The following H2AZ2 variants were observed in gnomAD, a reference collection of about 807,000 sequenced individuals.
The protein encoded by H2AZ2 is H2A.Z variant histone 2, also known as histone H2A.V.
H2AZ2 carries 5 observed loss-of-function variants against 15.5 expected under a neutral mutation model. The ratio of observed to expected loss-of-function variants is 0.32; its 90% confidence interval spans 0.17 to 0.68. H2AZ2 has a LOEUF of 0.68. Among genes scored for constraint, H2AZ2 ranks in the 30% least tolerant of loss-of-function variants. H2AZ2 has a pLI of 0.72. For missense variants in H2AZ2, 42 were observed against 162.5 expected (o/e 0.26, Z 4.03); for synonymous variants, 44 against 57.4 (o/e 0.77, Z 1.05).
At chr7:44,826,963 A>G (rs1792933764) in exon 5 of H2AZ2, 1 of 152,030 alleles carries the variant, frequency 6.6e-6, no homozygotes, top group African/African-American at 2.4e-5. Flanking sequence ...CTATTCTTTG[A>G]TTTTTTTTGC....
intron 2 of H2AZ2, among the ~76,000 whole-genome samples, chr7:44,841,526 T>C (rs1793275734): frequency 6.6e-6 from 1 of 152,202 alleles, no homozygotes; most frequent in Non-Finnish European, 1.5e-5. Context: ...ATTTTTTTTA[T>C]TGAGACAGAG....
chr7:44,829,194 C>T (rs1194159241), downstream of H2AZ2: 1 of 152,192 alleles, frequency 6.6e-6, no homozygotes, highest in East Asian at 1.9e-4. Context: ...AAAATGCTGT[C>T]TCCCTTAGAC....
At chr7:44,837,820 AT>A (rs1211331260) in intron 3 of H2AZ2, among the ~76,000 whole-genome samples, 1 of 73,152 alleles carries the variant, frequency 1.4e-5, no homozygotes. Context: ...GTTCCCAAAG[AT>A]TTAAAAAAAA....
chr7:44,839,976 TG>T (rs969991449), intron 3 of H2AZ2, among the ~76,000 whole-genome samples: 76 of 150,928 alleles, frequency 5.0e-4, no homozygotes, highest in African/African-American at 1.7e-3. Flanking sequence ...GCACTCCACC[TG>T]GGATACAGAG....
chr7:44,840,890 T>C lies in H2AZ2; in HGVS notation c.195+9A>G. ...GATGGCCATATACAACAGACATTCC[T>C]GTACAAACCTCTGCAGTGAGGTACT... On this transcript the variant is annotated intron_variant, in intron 3 of 4. Transcript: ENST00000308153. 2 of 1,597,726 alleles carry C rather than the reference T, an allele frequency of 1.3e-6. No individual in the cohort carries two copies. Among genetic ancestry groups the C allele is most frequent in the South Asian group, 2.2e-5 (2 of 90,498 alleles).
At chr7:44,847,896 C>T in intron 1 of H2AZ2, 73 bp downstream of exon 1, 1 of 1,527,098 alleles carries the variant, frequency 6.5e-7, no homozygotes, top group Non-Finnish European at 8.7e-7. Flanking sequence ...CCACAGGTAG[C>T]GGCGCCGACG....
intron 4 of H2AZ2, among the ~76,000 whole-genome samples, 193 bp from the exon 5 acceptor site, chr7:44,834,755 C>T (rs1476413669): frequency 6.7e-6 from 1 of 150,326 alleles, no homozygotes; most frequent in Non-Finnish European, 1.5e-5. Flanking sequence ...TGTGACTTTC[C>T]GTGCATTTTT....
At chr7:44,830,621 CTG>C (rs1792986486), downstream of H2AZ2, among the ~76,000 whole-genome samples, 1 of 152,210 alleles carries the variant, frequency 6.6e-6, no homozygotes, top group African/African-American at 2.4e-5. Flanking sequence ...TTGCATTTCA[CTG>C]TGTCGTACTA....
At chr7:44,841,069 G>A in intron 2 of H2AZ2, 57 bp from the exon 3 acceptor site, 2 of 1,247,638 alleles carry the variant, frequency 1.6e-6, no homozygotes, top group East Asian at 2.3e-5. Context: ...TGCACTGACT[G>A]TAATCAAAGG....
At chr7:44,835,407 A>G in intron 4 of H2AZ2, 122 bp downstream of exon 4, 1 of 667,532 alleles carries the variant, frequency 1.5e-6, no homozygotes. Flanking sequence ...TAGATTTAGT[A>G]TTTATGAAAT....
At chr7:44,846,056 C>CAG (rs1172162419) in intron 1 of H2AZ2, among the ~76,000 whole-genome samples, 8 of 91,718 alleles carry the variant, frequency 8.7e-5, no homozygotes, top group Admixed American at 2.3e-4. Flanking sequence ...CACACACACA[C>CAG]ACACACAGAG....
rs1793037298 is a variant in H2AZ2, at chr7:44,833,315, C to G, written c.*1186G>C. 6.6e-6 allele frequency among the ~76,000 whole-genome samples: 1 copy of G among 152,176 alleles called. No individual in the cohort carries two copies. The highest frequency in any genetic ancestry group is 1.5e-5 in the Non-Finnish European group (1 of 68,040). On this transcript the variant is annotated 3_prime_UTR_variant, in exon 5 of 5. Coordinates refer to ENST00000308153, the MANE Select transcript of H2AZ2 (RefSeq NM_012412.5). Reference sequence around the variant, plus strand: ...TGGCGCCATCTTGGCTCACTGCAAGCTCCGCCTCCCGGGTTCACGTCATTC... The same window carrying G: ...TGGCGCCATCTTGGCTCACTGCAAGGTCCGCCTCCCGGGTTCACGTCATTC...
intron 1 of H2AZ2, among the ~76,000 whole-genome samples, chr7:44,845,158 G>C (rs747137195): frequency 7.9e-5 from 12 of 151,930 alleles, no homozygotes; most frequent in Non-Finnish European, 2.9e-5. Flanking sequence ...TCCTCTAATT[G>C]CACGTCTAAG....
rs965695176 is a variant in H2AZ2, at chr7:44,832,469, C to T, written c.*2032G>A. On this transcript the variant is annotated 3_prime_UTR_variant, in exon 5 of 5. Coordinates refer to ENST00000308153, the MANE Select transcript of H2AZ2 (RefSeq NM_012412.5). ...CAGGACAGCTGTTGGAGGATGGGTA[C>T]ACAGAGCTTCATTCTGCTATTCTTT... Among the ~76,000 whole-genome samples the T allele has an allele frequency of 7.9e-5, 12 of 152,078 alleles. No individual in the cohort carries two copies. The highest frequency in any genetic ancestry group is 1.5e-5 in the Non-Finnish European group (1 of 68,024).
Position 44,832,740 on chromosome 7 carries a change from G to C in H2AZ2, c.*1761C>G, listed in dbSNP as rs1441765756. On this transcript the variant is annotated 3_prime_UTR_variant, in exon 5 of 5. Transcript: ENST00000308153. ...AAGGTGGGAGGATGGCTTGAGCCAG[G>C]AGTTCAATACCAACCTGGGCAACAT... is the stretch of plus-strand genomic sequence containing the variant. Among the ~76,000 whole-genome samples, 1 of 152,118 alleles carries C rather than the reference G, an allele frequency of 6.6e-6. No individual in the cohort carries two copies.
downstream of H2AZ2, among the ~76,000 whole-genome samples, chr7:44,831,017 A>G (rs1185722411): frequency 6.6e-6 from 1 of 152,032 alleles, no homozygotes; most frequent in Non-Finnish European, 1.5e-5. Flanking sequence ...ACAAACAAAC[A>G]TTAGCCAGGC....
rs777473503 is a variant in H2AZ2 at position 44,848,000 on chromosome 7, G to T, written c.-29C>A. On this transcript the variant is annotated 5_prime_UTR_variant, in exon 1 of 5. Transcript: ENST00000308153. Reference sequence around the variant, plus strand: ...CTCGGCGCCGACTCCGCCTCCGCTCGGCCGCGCGCCCTCCCGCTGCCGACC... The same window carrying T: ...CTCGGCGCCGACTCCGCCTCCGCTCTGCCGCGCGCCCTCCCGCTGCCGACC... The T allele has an allele frequency of 7.4e-7, 1 of 1,342,866 alleles. No individual in the cohort carries two copies. Among genetic ancestry groups the T allele is most frequent in the Non-Finnish European group, 9.5e-7 (1 of 1,049,276 alleles). 83.2% of individuals were successfully genotyped at this position (1,342,866 alleles called of 1,614,324 possible). A position where few individuals can be genotyped will look rare whatever the true frequency, so the allele number is the denominator to read the frequency against.
chr7:44,843,092 T>C (rs749062057), intron 2 of H2AZ2, among the ~76,000 whole-genome samples, 185 bp downstream of exon 2: 1 of 119,946 alleles, frequency 8.3e-6, no homozygotes, highest in Non-Finnish European at 1.6e-5. Context: ...TGAGCCGAGA[T>C]TGCACCACTG....
downstream of H2AZ2, among the ~76,000 whole-genome samples, chr7:44,831,530 T>TCC (rs368361059): frequency 4.7e-5 from 7 of 148,484 alleles, no homozygotes; most frequent in African/African-American, 7.4e-5. Context: ...TATATTGCAC[T>TCC]CCCCCCCCCG....
Sources: allele counts gnomAD v4.1 joint callset (sites outside exome capture counted in the v4.1 genomes callset), GRCh38; gene constraint gnomAD v4.1.1; transcripts MANE v1.5; gene names NCBI Gene and HGNC (gene_info 2026-07-23, HGNC 2026-07-21).